The following CCSER1 variants were observed in gnomAD, a reference collection of about 807,000 sequenced individuals.
The protein encoded by CCSER1 is serine-rich coiled-coil domain-containing protein 1.
Under a neutral mutation model 82.0 loss-of-function variants are expected in CCSER1, and 41 were observed. That is an observed-to-expected ratio of 0.50 (90% CI 0.39 to 0.65). CCSER1 has a LOEUF of 0.65. Ranked by LOEUF, CCSER1 falls within the 30% of genes least tolerant of loss-of-function variation. The pLI, the probability that CCSER1 is intolerant of heterozygous loss-of-function variation, is 0.00. For missense variants in CCSER1, 1,119 were observed against 1,064.2 expected, an observed-to-expected ratio of 1.05 and a Z score of -0.72; for synonymous variants, 414 against 383.9, an observed-to-expected ratio of 1.08 and a Z score of -0.92.
intron 10 of CCSER1, among the ~76,000 whole-genome samples, chr4:91,439,180 C>G (rs1464819422): frequency 6.6e-6 from 1 of 152,066 alleles, no homozygotes. Flanking sequence ...ACATAATTGT[C>G]AGATTCACCA....
chr4:91,237,253 G>A (rs1238057675), intron 10 of CCSER1, among the ~76,000 whole-genome samples: 1 of 151,590 alleles, frequency 6.6e-6, no homozygotes, highest in African/African-American at 2.4e-5. Flanking sequence ...TAAATTAGAT[G>A]TTTTTTAGAG....
intron 8 of CCSER1, among the ~76,000 whole-genome samples, chr4:90,877,358 C>T (rs1380055852): frequency 2.0e-5 from 3 of 151,992 alleles, no homozygotes; most frequent in African/African-American, 7.2e-5. Context: ...TCTGCTTTAC[C>T]TCACTTTACC....
intron 10 of CCSER1, among the ~76,000 whole-genome samples, chr4:91,539,269 TATC>T (rs1287979633): frequency 8.5e-5 from 13 of 152,078 alleles, no homozygotes; most frequent in Non-Finnish European, 1.8e-4. Context: ...GTTTTCAGAT[TATC>T]TTCTTATCAA....
intron 6 of CCSER1, among the ~76,000 whole-genome samples, chr4:90,661,593 A>G (rs1462754821): frequency 6.6e-6 from 1 of 152,212 alleles, no homozygotes; most frequent in Non-Finnish European, 1.5e-5. Context: ...ATTTATGTTA[A>G]CTATAAAGGA....
chr4:91,127,584 A>G (rs1295166414), intron 10 of CCSER1, among the ~76,000 whole-genome samples: 1 of 152,022 alleles, frequency 6.6e-6, no homozygotes, highest in Non-Finnish European at 1.5e-5. Context: ...ACTACCTTTT[A>G]TGCTTGTTGC....
At chr4:90,809,468 AAGTGGG>A (rs1757962608) in intron 7 of CCSER1, among the ~76,000 whole-genome samples, 1 of 152,162 alleles carries the variant, frequency 6.6e-6, no homozygotes, top group Admixed American at 6.6e-5. Flanking sequence ...TCTTATTTAT[AAGTGGG>A]AGCTAAGCTG....
chr4:90,419,299 G>A (rs927703294), intron 4 of CCSER1, among the ~76,000 whole-genome samples: 19 of 151,732 alleles, frequency 1.3e-4, no homozygotes, highest in Non-Finnish European at 5.9e-5. Context: ...GCCATTAGAT[G>A]GCAATCTTGT....
chr4:90,794,619 G>A (rs902318651), intron 7 of CCSER1, among the ~76,000 whole-genome samples: 2 of 152,006 alleles, frequency 1.3e-5, no homozygotes, highest in Non-Finnish European at 2.9e-5. Flanking sequence ...TGTTCTTTTT[G>A]CTTACAATTG....
At chr4:90,929,095 C>T (rs920097743) in intron 9 of CCSER1, among the ~76,000 whole-genome samples, 3 of 151,960 alleles carry the variant, frequency 2.0e-5, no homozygotes, top group Non-Finnish European at 4.4e-5. Flanking sequence ...GAACACTATT[C>T]TTCTTCCAGA....
At chr4:91,533,746 CT>C (rs552177552) in intron 10 of CCSER1, among the ~76,000 whole-genome samples, 72 of 152,006 alleles carry the variant, frequency 4.7e-4, no homozygotes, top group Non-Finnish European at 1.6e-4. Flanking sequence ...TCTTAAGCTT[CT>C]TTGTAAGCTC....
chr4:91,364,719 C>T (rs1749487344), intron 10 of CCSER1, among the ~76,000 whole-genome samples: 2 of 152,006 alleles, frequency 1.3e-5, no homozygotes, highest in Non-Finnish European at 2.9e-5. Flanking sequence ...GGTTACCTGT[C>T]CTTTGTGGAA....
intron 6 of CCSER1, among the ~76,000 whole-genome samples, chr4:90,690,168 C>G (rs1336163002): frequency 1.3e-5 from 2 of 151,858 alleles, no homozygotes; most frequent in African/African-American, 2.4e-5. Context: ...GGAAGGGGTG[C>G]TAAGCCTTAA....
At chr4:90,939,097 C>A (rs1731293957) in intron 9 of CCSER1, among the ~76,000 whole-genome samples, 2 of 152,248 alleles carry the variant, frequency 1.3e-5, no homozygotes, top group South Asian at 4.1e-4. Flanking sequence ...AATTTAATTT[C>A]ATCACATATT....
At chr4:90,421,667 G>A (rs1420079871) in intron 4 of CCSER1, among the ~76,000 whole-genome samples, 1 of 152,126 alleles carries the variant, frequency 6.6e-6, no homozygotes, top group African/African-American at 2.4e-5. Flanking sequence ...TTATATCTAT[G>A]TAGTCTTTTG....
At chr4:91,441,755 T>C (rs1049117252) in intron 10 of CCSER1, among the ~76,000 whole-genome samples, 2 of 152,176 alleles carry the variant, frequency 1.3e-5, no homozygotes, top group African/African-American at 4.8e-5. Flanking sequence ...CTTAAGCTGA[T>C]AAGCAACTTC....
chr4:91,383,162 A>G (rs542495684), intron 10 of CCSER1, among the ~76,000 whole-genome samples: 1 of 152,296 alleles, frequency 6.6e-6, no homozygotes, highest in African/African-American at 2.4e-5. Flanking sequence ...CATTCACTTC[A>G]TTGCAGTCAT....
intron 7 of CCSER1, among the ~76,000 whole-genome samples, chr4:90,791,263 A>G (rs1031394503): frequency 1.3e-5 from 2 of 152,218 alleles, no homozygotes; most frequent in African/African-American, 2.4e-5. Context: ...GGGAACTACA[A>G]TTCAAGATGA....
intron 5 of CCSER1, among the ~76,000 whole-genome samples, chr4:90,591,837 C>T (rs889167419): frequency 3.9e-5 from 6 of 152,096 alleles, no homozygotes; most frequent in Non-Finnish European, 7.4e-5. Flanking sequence ...ATATACACCA[C>T]GGAATGCCAC....
At chr4:90,180,642 A>G (rs1376761775) in intron 1 of CCSER1, among the ~76,000 whole-genome samples, 2 of 152,076 alleles carry the variant, frequency 1.3e-5, no homozygotes, top group African/African-American at 4.8e-5. Flanking sequence ...CTGTGACTTC[A>G]TTATTATGGA....
Sources: allele counts gnomAD v4.1 joint callset (sites outside exome capture counted in the v4.1 genomes callset), GRCh38; gene constraint gnomAD v4.1.1; transcripts MANE v1.5; gene names NCBI Gene and HGNC (gene_info 2026-07-23, HGNC 2026-07-21).